The following LHFPL3 variants were observed in gnomAD, a reference collection of about 807,000 sequenced individuals.
LHFPL3 encodes the protein LHFPL tetraspan subfamily member 3 protein.
In LHFPL3, 5 loss-of-function variants were observed where a neutral mutation model predicts 19.3. That is an observed-to-expected ratio of 0.26 (90% CI 0.14 to 0.54). The LOEUF (loss-of-function observed/expected upper bound fraction) is 0.54, where lower values mean the gene tolerates loss of function less well. Among genes scored for constraint, LHFPL3 ranks in the 20% least tolerant of loss-of-function variants. The pLI is 0.94. For synonymous variants in LHFPL3, 133 were observed against 126.2 expected, an observed-to-expected ratio of 1.05 and a Z score of -0.36; for missense variants, 249 against 307.4, an observed-to-expected ratio of 0.81 and a Z score of 1.42.
chr7:104,440,035 T>C (rs112171276), intron 1 of LHFPL3, among the ~76,000 whole-genome samples: 7 of 84,902 alleles, frequency 8.2e-5, no homozygotes, highest in African/African-American at 2.1e-4. Flanking sequence ...ATACAAAGCC[T>C]GGGGGGGGGG....
At position 104,693,873 on chromosome 7, in the gene LHFPL3, C is replaced by T. The variant is rs546431270; in HGVS notation, c.446-42802C>T. 4.6e-5 allele frequency among the ~76,000 whole-genome samples: 7 copies of T among 151,732 alleles called. No individual in the cohort carries two copies. In the East Asian group the frequency reaches 5.9e-4, roughly 13 times the overall value. On this transcript the variant is annotated intron_variant, in intron 1 of 2. Transcript: ENST00000424859. ...GTCTCGATCTCCTGACCTCATGATCCGCCTGCCTGGGCCTCCCAAAGTGTT... is the reference window on the plus strand; with the variant it reads ...GTCTCGATCTCCTGACCTCATGATCTGCCTGCCTGGGCCTCCCAAAGTGTT...
At chr7:104,428,640 C>T (rs1393361209) in intron 1 of LHFPL3, among the ~76,000 whole-genome samples, 1 of 152,104 alleles carries the variant, frequency 6.6e-6, no homozygotes, top group Non-Finnish European at 1.5e-5. Context: ...TCAGTTGTGA[C>T]CTGTCTTTGT....
intron 2 of LHFPL3, among the ~76,000 whole-genome samples, chr7:104,774,378 C>G (rs774804015): frequency 4.4e-4 from 67 of 152,326 alleles, no homozygotes; most frequent in Middle Eastern, 3.4e-3. Flanking sequence ...AGTATCCTCA[C>G]CTCACAGTAC....
chr7:104,422,103 G>A (rs1235293504), intron 1 of LHFPL3, among the ~76,000 whole-genome samples: 2 of 152,230 alleles, frequency 1.3e-5, no homozygotes, highest in Non-Finnish European at 2.9e-5. Context: ...GCTCACGCCT[G>A]TAATCCCAGC....
At chr7:104,510,511 C>G (rs1387025759) in intron 1 of LHFPL3, among the ~76,000 whole-genome samples, 1 of 152,098 alleles carries the variant, frequency 6.6e-6, no homozygotes, top group African/African-American at 2.4e-5. Flanking sequence ...GAATCTTGAC[C>G]TAAGTCTGAC....
chr7:104,825,833 C>A (rs2470968), intron 2 of LHFPL3, among the ~76,000 whole-genome samples: 148,651 of 151,958 alleles, frequency 0.98, 72,842 homozygotes, highest in Middle Eastern at 1. Context: ...GGAGAAAAAG[C>A]AGCCTGCCCC....
intron 2 of LHFPL3, among the ~76,000 whole-genome samples, chr7:104,830,607 T>C (rs1790932176): frequency 1.3e-5 from 2 of 151,974 alleles, no homozygotes; most frequent in African/African-American, 4.9e-5. Flanking sequence ...CCCCATTGCT[T>C]GTTTTTCTCA....
At chr7:104,735,259 T>C (rs1235399379) in intron 1 of LHFPL3, among the ~76,000 whole-genome samples, 2 of 152,340 alleles carry the variant, frequency 1.3e-5, no homozygotes, top group Admixed American at 1.3e-4. Context: ...GACAGGGACA[T>C]TTAAGTCTGC....
intron 1 of LHFPL3, among the ~76,000 whole-genome samples, chr7:104,576,946 G>T (rs1031676870): frequency 6.6e-6 from 1 of 152,160 alleles, no homozygotes; most frequent in Non-Finnish European, 1.5e-5. Context: ...TGTCACCAGA[G>T]TTTATCTTCT....
At chr7:104,493,398 T>A (rs558667218) in intron 1 of LHFPL3, among the ~76,000 whole-genome samples, 1 of 151,886 alleles carries the variant, frequency 6.6e-6, no homozygotes, top group Non-Finnish European at 1.5e-5. Flanking sequence ...TATCAGAGTT[T>A]CATTGTCTTC....
At chr7:104,384,067 T>C (rs909484369) in intron 1 of LHFPL3, among the ~76,000 whole-genome samples, 1 of 152,020 alleles carries the variant, frequency 6.6e-6, no homozygotes, top group Non-Finnish European at 1.5e-5. Flanking sequence ...AAATTTTGAA[T>C]AATTGGAGCA....
intron 2 of LHFPL3, among the ~76,000 whole-genome samples, chr7:104,828,854 G>A (rs1457825354): frequency 1.3e-5 from 2 of 150,902 alleles, no homozygotes; most frequent in Admixed American, 6.6e-5. Flanking sequence ...GGCCAACATG[G>A]TGAAACCCTG....
chr7:104,668,494 G>A, intron 1 of LHFPL3: 1 of 1,613,066 alleles, frequency 6.2e-7, no homozygotes, highest in South Asian at 1.1e-5. Flanking sequence ...GATCGATATG[G>A]TGGCCGGGAT....
intron 1 of LHFPL3, among the ~76,000 whole-genome samples, chr7:104,521,554 A>G (rs1342945941): frequency 1.3e-5 from 2 of 152,086 alleles, no homozygotes; most frequent in Non-Finnish European, 2.9e-5. Flanking sequence ...TAATTAAACT[A>G]AAGAGCTTCT....
chr7:104,371,421 T>C (rs1014896409), intron 1 of LHFPL3, among the ~76,000 whole-genome samples: 1 of 152,208 alleles, frequency 6.6e-6, no homozygotes. Context: ...AGTTCTCTCA[T>C]GGCAACAGGC....
chr7:104,544,859 G>A (rs12705229), intron 1 of LHFPL3, among the ~76,000 whole-genome samples: 88,128 of 151,956 alleles, frequency 0.58, 26,022 homozygotes, highest in Middle Eastern at 0.7. Flanking sequence ...AGCTGACCCC[G>A]GAGAAACAAA....
chr7:104,589,343 G>A (rs1420636159), intron 1 of LHFPL3, among the ~76,000 whole-genome samples: 3 of 152,180 alleles, frequency 2.0e-5, no homozygotes, highest in Non-Finnish European at 4.4e-5. Flanking sequence ...TTTTGTCAAA[G>A]GACTTTTCTG....
At chr7:104,454,980 C>T (rs1792512240) in intron 1 of LHFPL3, among the ~76,000 whole-genome samples, 1 of 152,194 alleles carries the variant, frequency 6.6e-6, no homozygotes, top group African/African-American at 2.4e-5. Flanking sequence ...TAGCCTGCCC[C>T]TTCCATCTTG....
chr7:104,543,794 T>C (rs2115884378), intron 1 of LHFPL3, among the ~76,000 whole-genome samples: 1 of 146,486 alleles, frequency 6.8e-6, no homozygotes, highest in Admixed American at 6.8e-5. Flanking sequence ...AGGGATAGCA[T>C]TAGGAGATAT....
Sources: gnomAD v4.1 joint callset for allele counts (sites outside exome capture counted in the v4.1 genomes callset) on GRCh38, gnomAD v4.1.1 for gene constraint, MANE v1.5 for transcripts, NCBI Gene and HGNC (gene_info 2026-07-23, HGNC 2026-07-21) for gene names.